SPATA6: variants seen among roughly 807,000 people sequenced by gnomAD.
SPATA6 encodes the protein spermatogenesis associated 6.
SPATA6 carries 56 observed loss-of-function variants against 65.3 expected under a neutral mutation model. The observed-to-expected ratio is 0.86, with a 90% confidence interval of 0.69 to 1.07. The LOEUF is 1.07. Among genes scored for constraint, SPATA6 ranks in the 50% least tolerant of loss-of-function variants. The pLI is 0.00. For missense variants in SPATA6, 590 were observed against 594.8 expected (o/e 0.99, Z 0.08); for synonymous variants, 199 against 213.2 (o/e 0.93, Z 0.58).
At chr1:48,367,534 C>T (rs1486447606) in intron 9 of SPATA6, among the ~76,000 whole-genome samples, 4 of 152,044 alleles carry the variant, frequency 2.6e-5, no homozygotes, top group Non-Finnish European at 5.9e-5. Flanking sequence ...TGAATTGATC[C>T]CTTTACCATT....
At chr1:48,436,352 G>A in intron 3 of SPATA6, 1 of 1,612,222 alleles carries the variant, frequency 6.2e-7, no homozygotes, top group African/African-American at 1.3e-5. Flanking sequence ...TTCACTGTTG[G>A]CAGCTGGCTT....
chr1:48,452,964 G>A, intron 2 of SPATA6, 30 bp downstream of exon 2: 1 of 1,601,384 alleles, frequency 6.2e-7, no homozygotes, highest in Non-Finnish European at 8.5e-7. Flanking sequence ...TGTTTTGTTT[G>A]TTAATACTTG....
At chr1:48,402,121 G>C in intron 6 of SPATA6, among the ~76,000 whole-genome samples, 1 of 151,722 alleles carries the variant, frequency 6.6e-6, no homozygotes, top group African/African-American at 2.4e-5. Flanking sequence ...TCATATCTCT[G>C]TTCAATAAAG....
At chr1:48,432,347 G>A (rs1047324668) in intron 3 of SPATA6, among the ~76,000 whole-genome samples, 1 of 151,988 alleles carries the variant, frequency 6.6e-6, no homozygotes, top group African/African-American at 2.4e-5. Context: ...TATCAATGCA[G>A]TAAAAAGGCA....
intron 11 of SPATA6, among the ~76,000 whole-genome samples, chr1:48,336,074 CAAT>C (rs574420215): frequency 1.1e-3 from 167 of 152,094 alleles, no homozygotes; most frequent in African/African-American, 3.9e-3. Flanking sequence ...ATACAAACAA[CAAT>C]AAGATAGCAT....
intron 1 of SPATA6, among the ~76,000 whole-genome samples, chr1:48,467,116 A>G (rs1657866066): frequency 6.6e-6 from 1 of 152,128 alleles, no homozygotes; most frequent in South Asian, 2.1e-4. Context: ...ATACTATGTC[A>G]TTCTCCAAAG....
chr1:48,418,827 G>A (rs1039793721), intron 3 of SPATA6, among the ~76,000 whole-genome samples: 1 of 146,256 alleles, frequency 6.8e-6, no homozygotes, highest in East Asian at 2.0e-4. Context: ...GAGGGAGGGA[G>A]GGAAAGAGAG....
At chr1:48,365,262 G>C (rs1481699858) in intron 9 of SPATA6, among the ~76,000 whole-genome samples, 1 of 152,150 alleles carries the variant, frequency 6.6e-6, no homozygotes, top group Non-Finnish European at 1.5e-5. Flanking sequence ...TTTTGGCTTA[G>C]GATTGACTTG....
At chr1:48,327,864 A>G (rs977391471) in intron 11 of SPATA6, among the ~76,000 whole-genome samples, 13 of 152,200 alleles carry the variant, frequency 8.5e-5, no homozygotes, top group Non-Finnish European at 1.2e-4. Context: ...TCTATTCTGC[A>G]CAATGTTCAC....
chr1:48,310,075 C>G lies in SPATA6; in HGVS notation c.1195-4197G>C, dbSNP rs1033075705. ...GAATGTGTGGTAGCTTTTCAAAGCC[C>G]CCTATGCACACATTCAGCTTTTTCT... On this transcript the variant is annotated intron_variant, in intron 11 of 12. Coordinates refer to ENST00000371847, the MANE Select transcript of SPATA6 (RefSeq NM_019073.4). Among the ~76,000 whole-genome samples, 17 of 152,066 alleles carry G rather than the reference C, an allele frequency of 1.1e-4. No homozygotes were observed. The East Asian group carries it at 3.3e-3, about 29-fold the overall frequency.
chr1:48,285,325 C>T, the SPATA6 span, among the ~76,000 whole-genome samples: 1 of 152,138 alleles, frequency 6.6e-6, no homozygotes, highest in African/African-American at 2.4e-5. Context: ...GCTGTGCTGG[C>T]TGCCAGAATT....
In SPATA6 at chr1:48,385,375, A is replaced by C. The variant is rs766290795; in HGVS notation, c.869-26T>G. On this transcript the variant is annotated intron_variant, in intron 8 of 12. Transcript: ENST00000371847. ...CTGAAAAAGGAAGTACAAAACAATT[A>C]AAGTTTAAATTTGGTTTCATCTTTG... 10 of 1,595,490 alleles carry C rather than the reference A, an allele frequency of 6.3e-6. No individual in the cohort carries two copies. The African/African-American group carries it at 1.3e-4, about 22-fold the overall frequency.
At chr1:48,405,744 A>G (rs147558304) in intron 5 of SPATA6, among the ~76,000 whole-genome samples, 271 of 152,244 alleles carry the variant, frequency 1.8e-3, no homozygotes, top group African/African-American at 6.3e-3. Context: ...CAGACTCACT[A>G]AGTATAATCC....
chr1:48,354,181 A>G (rs2148802450), intron 11 of SPATA6, among the ~76,000 whole-genome samples: 1 of 152,250 alleles, frequency 6.6e-6, no homozygotes, highest in South Asian at 2.1e-4. Flanking sequence ...AAAATGCCAA[A>G]AGAAAACACA....
intron 5 of SPATA6, among the ~76,000 whole-genome samples, chr1:48,406,525 C>T (rs1053831463): frequency 6.6e-6 from 1 of 152,140 alleles, no homozygotes; most frequent in Admixed American, 6.5e-5. Context: ...CTACAAGATG[C>T]AATTCATTCA....
At chr1:48,346,854 A>C (rs1426325849) in intron 11 of SPATA6, among the ~76,000 whole-genome samples, 2 of 152,092 alleles carry the variant, frequency 1.3e-5, no homozygotes, top group African/African-American at 4.8e-5. Context: ...ATGCTCATGG[A>C]TAGGAAAAAT....
intron 11 of SPATA6, among the ~76,000 whole-genome samples, chr1:48,352,557 T>C (rs1646540500): frequency 6.6e-6 from 1 of 151,930 alleles, no homozygotes; most frequent in African/African-American, 2.4e-5. Context: ...ATGAAAAATA[T>C]GAATATAGGC....
chr1:48,275,304 C>T, the SPATA6 span, among the ~76,000 whole-genome samples: 1 of 152,182 alleles, frequency 6.6e-6, no homozygotes, highest in African/African-American at 2.4e-5. Flanking sequence ...ATTTGACTTC[C>T]TCTCTTCCTA....
intron 3 of SPATA6, among the ~76,000 whole-genome samples, chr1:48,426,023 C>T (rs1026328004): frequency 3.9e-5 from 6 of 152,102 alleles, no homozygotes; most frequent in Middle Eastern, 3.4e-3. Context: ...GAACAAGAAT[C>T]GCTAATGGAT....
Sources: allele counts gnomAD v4.1 joint callset (sites outside exome capture counted in the v4.1 genomes callset), GRCh38; gene constraint gnomAD v4.1.1; transcripts MANE v1.5; gene names NCBI Gene and HGNC (gene_info 2026-07-23, HGNC 2026-07-21).